GALNT17: variants seen among roughly 807,000 people sequenced by gnomAD.
GALNT17 encodes UDP-GalNAc:polypeptide N-acetylgalactosaminyltransferase-like 3.
A neutral mutation model predicts 63.7 loss-of-function variants in GALNT17; 29 were observed. The ratio of observed to expected loss-of-function variants is 0.46; its 90% confidence interval spans 0.34 to 0.62. GALNT17 has a LOEUF of 0.62. Among genes scored for constraint, GALNT17 ranks in the 20% least tolerant of loss-of-function variants. The pLI is 0.01. For synonymous variants in GALNT17, 305 were observed against 318.3 expected, an observed-to-expected ratio of 0.96 and a Z score of 0.45; for missense variants, 603 against 799.6, an observed-to-expected ratio of 0.75 and a Z score of 2.97.
chr7:71,443,007 G>C (rs1013534216), intron 5 of GALNT17, among the ~76,000 whole-genome samples: 1 of 152,148 alleles, frequency 6.6e-6, no homozygotes, highest in Non-Finnish European at 1.5e-5. Flanking sequence ...TATGAACATT[G>C]AATTTCCGAC....
intron 1 of GALNT17, among the ~76,000 whole-genome samples, chr7:71,246,944 T>TGGGGGGA (rs1216242506): frequency 1.3e-5 from 1 of 74,118 alleles, no homozygotes; most frequent in Non-Finnish European, 2.7e-5. Flanking sequence ...ATTGACTTTT[T>TGGGGGGA]GGGGGGAGGG....
intron 1 of GALNT17, among the ~76,000 whole-genome samples, chr7:71,173,047 C>T (rs191518949): frequency 6.0e-4 from 91 of 152,240 alleles, no homozygotes; most frequent in African/African-American, 1.2e-3. Flanking sequence ...TATGATTGCT[C>T]GGTTTTAAGA....
At chr7:71,256,862 A>T (rs1457151492) in intron 1 of GALNT17, among the ~76,000 whole-genome samples, 1 of 152,188 alleles carries the variant, frequency 6.6e-6, no homozygotes, top group Non-Finnish European at 1.5e-5. Flanking sequence ...GACACTATCT[A>T]GGCTGGCAGA....
In GALNT17 at chr7:71,482,081, A is replaced by ATGTGTGTGTGTG. The variant is rs10678512; in HGVS notation, c.962+60998_962+61009dup. On this transcript the variant is annotated intron_variant, in intron 5 of 10. Coordinates refer to ENST00000333538, the MANE Select transcript of GALNT17 (RefSeq NM_022479.3). ...GATGTATAGGTATACATATATGTAT[A>ATGTGTGTGTGTG]TGTGTGTGTGTGTGTGTGTGTGTGT... is the stretch of plus-strand genomic sequence containing the variant. Among the ~76,000 whole-genome samples, 609 of 138,228 alleles carry ATGTGTGTGTGTG rather than the reference A, an allele frequency of 4.4e-3. 5 individuals are homozygous for ATGTGTGTGTGTG. The highest frequency in any genetic ancestry group is 9.7e-3 in the South Asian group (41 of 4,208). 90.7% of individuals were successfully genotyped at this position (138,228 alleles called of 152,430 possible). A position where few individuals can be genotyped will look rare whatever the true frequency, so the allele number is the denominator to read the frequency against.
At chr7:71,216,681 AAC>A (rs1318578464) in intron 1 of GALNT17, among the ~76,000 whole-genome samples, 1 of 135,768 alleles carries the variant, frequency 7.4e-6, no homozygotes, top group East Asian at 2.2e-4. Context: ...CACAGACACA[AAC>A]ACACACATAT....
At chr7:71,255,783 A>C (rs2115585277) in intron 1 of GALNT17, among the ~76,000 whole-genome samples, 1 of 152,252 alleles carries the variant, frequency 6.6e-6, no homozygotes, top group Middle Eastern at 3.4e-3. Flanking sequence ...GCATGAGTAA[A>C]GGCATAGTGG....
At chr7:71,362,697 G>A (rs1792426809) in intron 2 of GALNT17, among the ~76,000 whole-genome samples, 1 of 152,022 alleles carries the variant, frequency 6.6e-6, no homozygotes, top group African/African-American at 2.4e-5. Context: ...TGGCAAAAGT[G>A]CCCCAAGAAA....
chr7:71,620,480 T>C (rs1790274238), intron 6 of GALNT17, among the ~76,000 whole-genome samples: 1 of 152,148 alleles, frequency 6.6e-6, no homozygotes, highest in Non-Finnish European at 1.5e-5. Context: ...CTGTTTCTAA[T>C]AAATTAAAAA....
chr7:71,236,108 G>A (rs1422654875), intron 1 of GALNT17, among the ~76,000 whole-genome samples: 1 of 152,006 alleles, frequency 6.6e-6, no homozygotes, highest in Non-Finnish European at 1.5e-5. Context: ...TTGAACCCAG[G>A]AGGTGGAGGT....
intron 1 of GALNT17, among the ~76,000 whole-genome samples, chr7:71,145,876 T>C (rs1175473307): frequency 6.6e-6 from 1 of 152,008 alleles, no homozygotes; most frequent in Non-Finnish European, 1.5e-5. Context: ...CCGCTAATTT[T>C]TGTATTTTTA....
chr7:71,216,066 A>AT (rs67510137), intron 1 of GALNT17, among the ~76,000 whole-genome samples: 2 of 70,156 alleles, frequency 2.9e-5, no homozygotes, highest in Non-Finnish European at 4.4e-5. Flanking sequence ...AATAATAATA[A>AT]AAAAGCCAAG....
chr7:71,258,872 G>C (rs1790332517), intron 1 of GALNT17, among the ~76,000 whole-genome samples: 1 of 150,492 alleles, frequency 6.6e-6, no homozygotes, highest in Admixed American at 6.6e-5. Context: ...ATAGGAGTTT[G>C]CTAAGTAGAA....
At chr7:71,394,915 A>G (rs1793110704) in intron 3 of GALNT17, among the ~76,000 whole-genome samples, 1 of 152,116 alleles carries the variant, frequency 6.6e-6, no homozygotes, top group Non-Finnish European at 1.5e-5. Context: ...CAGCCTGGCC[A>G]ATATGGGGAA....
intron 5 of GALNT17, among the ~76,000 whole-genome samples, chr7:71,540,341 T>C (rs10232340): frequency 9.2e-5 from 14 of 151,790 alleles, no homozygotes; most frequent in African/African-American, 3.4e-4. Flanking sequence ...GGTCTCGAAC[T>C]CCTGACCTCA....
chr7:71,709,027 TGC>T (rs1371691354), intron 9 of GALNT17, among the ~76,000 whole-genome samples: 2 of 152,230 alleles, frequency 1.3e-5, no homozygotes, highest in African/African-American at 4.8e-5. Context: ...AACGTGTAAG[TGC>T]ATGTGTCTTT....
chr7:71,691,086 C>T (rs886597710), intron 9 of GALNT17, among the ~76,000 whole-genome samples: 4 of 152,254 alleles, frequency 2.6e-5, no homozygotes, highest in East Asian at 1.9e-4. Flanking sequence ...GATGCTACAG[C>T]GAAATATTTC....
chr7:71,568,620 G>A (rs1342793236), intron 5 of GALNT17, among the ~76,000 whole-genome samples: 2 of 152,202 alleles, frequency 1.3e-5, no homozygotes, highest in African/African-American at 2.4e-5. Flanking sequence ...TTAGGATAGT[G>A]GTCTCCAGCT....
intron 1 of GALNT17, among the ~76,000 whole-genome samples, chr7:71,290,459 A>G (rs1790959972): frequency 6.6e-6 from 1 of 152,144 alleles, no homozygotes; most frequent in Non-Finnish European, 1.5e-5. Flanking sequence ...GAGGCCCTGA[A>G]CAGAGGCTGT....
chr7:71,495,416 G>A lies in GALNT17; in HGVS notation c.962+74311G>A, dbSNP rs540711762. Among the ~76,000 whole-genome samples, 5 of 152,298 alleles carry A rather than the reference G, an allele frequency of 3.3e-5. No individual in the cohort carries two copies. The South Asian group carries it at 8.3e-4, about 25-fold the overall frequency. Reference sequence around the variant, plus strand: ...CAGTTTTCTTTTTTGAGCACTTAATGTGTGCCAGGCATTGTGCTGCTAACA... The same window carrying A: ...CAGTTTTCTTTTTTGAGCACTTAATATGTGCCAGGCATTGTGCTGCTAACA... On this transcript the variant is annotated intron_variant, in intron 5 of 10. Transcript: ENST00000333538.
Sources: gnomAD v4.1 joint callset for allele counts (sites outside exome capture counted in the v4.1 genomes callset) on GRCh38, gnomAD v4.1.1 for gene constraint, MANE v1.5 for transcripts, NCBI Gene and HGNC (gene_info 2026-07-23, HGNC 2026-07-21) for gene names.